Variants in PTPRD observed in about 807,000 individuals in gnomAD.
PTPRD encodes protein tyrosine phosphatase receptor type D.
In PTPRD, 34 loss-of-function variants were observed where a neutral mutation model predicts 214.5. The ratio of observed to expected loss-of-function variants is 0.16; its 90% CI spans 0.12 to 0.21. The LOEUF (loss-of-function observed/expected upper bound fraction) is 0.21, where lower values mean the gene tolerates loss of function less well. PTPRD is among the 10% of genes least tolerant of loss of function. The pLI is 1.00. For missense variants in PTPRD, 2,545 were observed against 2,398.7 expected, an observed-to-expected ratio of 1.06 and a Z score of -1.27; for synonymous variants, 1,128 against 845.7, an observed-to-expected ratio of 1.33 and a Z score of -5.79.
At chr9:8,869,119 A>T (rs1194105651) in intron 11 of PTPRD, among the ~76,000 whole-genome samples, 5 of 152,188 alleles carry the variant, frequency 3.3e-5, no homozygotes, top group Non-Finnish European at 7.3e-5. Context: ...CCTCCTTGGA[A>T]GCAAATTGAA....
chr9:10,017,668 A>G (rs879034575), intron 4 of PTPRD, among the ~76,000 whole-genome samples: 2 of 152,140 alleles, frequency 1.3e-5, no homozygotes, highest in Admixed American at 1.3e-4. Flanking sequence ...CATATATTAA[A>G]TAATCCATCT....
chr9:8,693,164 GT>G (rs1360826501), intron 12 of PTPRD, among the ~76,000 whole-genome samples: 1 of 152,154 alleles, frequency 6.6e-6, no homozygotes, highest in Admixed American at 6.5e-5. Context: ...AAGTTTCACA[GT>G]TTTTTCCACT....
intron 10 of PTPRD, among the ~76,000 whole-genome samples, chr9:9,052,159 C>T (rs1451007421): frequency 6.6e-6 from 1 of 152,100 alleles, no homozygotes; most frequent in African/African-American, 2.4e-5. Context: ...TCGCTGTGCT[C>T]CCACATGGCA....
chr9:9,652,185 C>A (rs1316126328), intron 7 of PTPRD, among the ~76,000 whole-genome samples: 2 of 152,002 alleles, frequency 1.3e-5, no homozygotes, highest in South Asian at 2.1e-4. Context: ...TGCCTCAAAG[C>A]CTTTCTGCTC....
At chr9:9,173,473 C>T (rs796449317) in intron 10 of PTPRD, among the ~76,000 whole-genome samples, 1 of 152,074 alleles carries the variant, frequency 6.6e-6, no homozygotes, top group Non-Finnish European at 1.5e-5. Flanking sequence ...GTGCAAACAT[C>T]ATAGAGTGTC....
intron 20 of PTPRD, among the ~76,000 whole-genome samples, chr9:8,519,500 A>C (rs2097849762): frequency 6.6e-6 from 1 of 152,190 alleles, no homozygotes; most frequent in Non-Finnish European, 1.5e-5. Context: ...TCATATAATC[A>C]GCCCATTAGT....
chr9:9,963,718 A>G (rs2094503297), intron 4 of PTPRD, among the ~76,000 whole-genome samples: 2 of 152,162 alleles, frequency 1.3e-5, no homozygotes, highest in African/African-American at 4.8e-5. Flanking sequence ...AAGAAGGACA[A>G]AGCGATTATC....
chr9:8,450,738 A>T (rs1304853517), intron 33 of PTPRD, among the ~76,000 whole-genome samples: 2 of 152,190 alleles, frequency 1.3e-5, no homozygotes, highest in South Asian at 2.1e-4. Flanking sequence ...TGTATATAAG[A>T]TTTCTTTATC....
At chr9:9,173,796 C>T (rs2099922954) in intron 10 of PTPRD, among the ~76,000 whole-genome samples, 1 of 152,130 alleles carries the variant, frequency 6.6e-6, no homozygotes, top group Admixed American at 6.6e-5. Flanking sequence ...CTGCTCGTCA[C>T]TATCTAATAT....
At chr9:8,330,158 G>C (rs1490132732) in intron 44 of PTPRD, among the ~76,000 whole-genome samples, 1 of 152,094 alleles carries the variant, frequency 6.6e-6, no homozygotes, top group Non-Finnish European at 1.5e-5. Flanking sequence ...TGCTTCCTGG[G>C]TGAGGCAACG....
chr9:10,027,025 T>C (rs2096936045), intron 4 of PTPRD, among the ~76,000 whole-genome samples: 1 of 152,146 alleles, frequency 6.6e-6, no homozygotes, highest in Admixed American at 6.5e-5. Flanking sequence ...TAATAAAGCA[T>C]TTCTCTAGAG....
chr9:9,232,864 C>T (rs1449212818), intron 9 of PTPRD, among the ~76,000 whole-genome samples: 1 of 152,104 alleles, frequency 6.6e-6, no homozygotes, highest in African/African-American at 2.4e-5. Context: ...ACCAAAATTT[C>T]TCTTCCTCAA....
chr9:9,113,038 C>G (rs1047870906), intron 10 of PTPRD, among the ~76,000 whole-genome samples: 9 of 151,438 alleles, frequency 5.9e-5, no homozygotes, highest in Non-Finnish European at 1.0e-4. Context: ...AATTATAGCT[C>G]ACTGCAGCCT....
At chr9:10,087,690 T>A (rs2098368934) in intron 3 of PTPRD, among the ~76,000 whole-genome samples, 1 of 151,648 alleles carries the variant, frequency 6.6e-6, no homozygotes, top group Admixed American at 6.6e-5. Context: ...TGGAACCGGG[T>A]GATTCAATGT....
chr9:8,799,895 G>C (rs2096537108), intron 11 of PTPRD, among the ~76,000 whole-genome samples: 1 of 151,752 alleles, frequency 6.6e-6, no homozygotes, highest in Non-Finnish European at 1.5e-5. Flanking sequence ...AGTCAATCCA[G>C]GGCAGATTTT....
chr9:8,690,620 A>C (rs1007457687), intron 12 of PTPRD, among the ~76,000 whole-genome samples: 4 of 152,186 alleles, frequency 2.6e-5, no homozygotes, highest in Non-Finnish European at 5.9e-5. Context: ...TGTTTCTCAT[A>C]AAATGGAGCA....
intron 14 of PTPRD, among the ~76,000 whole-genome samples, chr9:8,632,133 G>GTGTGTGTGTGTGTGTC (rs1236338306): frequency 6.8e-6 from 1 of 146,654 alleles, no homozygotes; most frequent in Non-Finnish European, 1.5e-5. Flanking sequence ...GTGTGTGTGT[G>GTGTGTGTGTGTGTGTC]TGTGTGTGTG....
In PTPRD at chr9:8,314,562, G is replaced by C. The variant is rs1383031989; in HGVS notation, c.*3312C>G. The C allele has an allele frequency of 2.2e-5, 5 of 232,126 alleles. No individual in the cohort carries two copies. Among genetic ancestry groups the C allele is most frequent in the Non-Finnish European group, 3.4e-5 (4 of 117,202 alleles). 14.4% of individuals were successfully genotyped at this position (232,126 alleles called of 1,614,324 possible). Reference sequence around the variant, plus strand: ...GGCAAAGCCACATAACGGATGGATAGAATGGATCTGTAGCCTTCTGATCTC... The same window carrying C: ...GGCAAAGCCACATAACGGATGGATACAATGGATCTGTAGCCTTCTGATCTC... On this transcript the variant is annotated 3_prime_UTR_variant, in exon 46 of 46. Coordinates refer to ENST00000381196, the MANE Select transcript of PTPRD (RefSeq NM_002839.4).
intron 5 of PTPRD, among the ~76,000 whole-genome samples, chr9:9,829,755 G>A (rs1265026058): frequency 6.6e-6 from 1 of 151,764 alleles, no homozygotes. Flanking sequence ...AAATCTGGCA[G>A]ACAATAGACT....
Sources: gnomAD v4.1 joint callset for allele counts (sites outside exome capture counted in the v4.1 genomes callset) on GRCh38, gnomAD v4.1.1 for gene constraint, MANE v1.5 for transcripts, NCBI Gene and HGNC (gene_info 2026-07-23, HGNC 2026-07-21) for gene names.